RARB: variants seen among roughly 807,000 people sequenced by gnomAD.
RARB encodes retinoic acid receptor beta.
RARB carries 17 observed loss-of-function variants against 51.9 expected under a neutral mutation model. The ratio of observed to expected loss-of-function variants is 0.33; its 90% CI spans 0.22 to 0.49. The LOEUF is 0.49. RARB is among the 20% of genes least tolerant of loss of function. RARB has a pLI of 0.99. For missense variants in RARB, 369 were observed against 550.8 expected (o/e 0.67, Z 3.30); for synonymous variants, 215 against 195.4 (o/e 1.10, Z -0.84).
chr3:25,190,910 C>T (rs1220335606), intron 5 of RARB, among the ~76,000 whole-genome samples: 1 of 152,070 alleles, frequency 6.6e-6, no homozygotes, highest in African/African-American at 2.4e-5. Flanking sequence ...GAAACTTGTG[C>T]TAAATCAAGT....
rs751733615 is a variant in RARB, at chr3:25,580,680, A to C, written c.744A>C (p.Ala248=). Residue 248 remains alanine (A), a synonymous_variant, in exon 5 of 8, where the codon GCA becomes GCC. Transcript: ENST00000330688. Reference sequence around the variant, plus strand: ...CTGGTTTCACTGGCTTGACCATCGCAGACCAAATTACCCTGCTGAAGGCCG... The same window carrying C: ...CTGGTTTCACTGGCTTGACCATCGCCGACCAAATTACCCTGCTGAAGGCCG... ...RLPGFTGLTI[A]DQITLLKAAC... 1 of 1,611,356 alleles carries C rather than the reference A, an allele frequency of 6.2e-7. No homozygotes were observed. The highest frequency in any genetic ancestry group is 8.5e-7 in the Non-Finnish European group (1 of 1,177,774).
intron 2 of RARB, among the ~76,000 whole-genome samples, chr3:24,916,219 A>C (rs1197615654): frequency 6.6e-6 from 1 of 152,164 alleles, no homozygotes; most frequent in African/African-American, 2.4e-5. Flanking sequence ...ATTTTGAGGG[A>C]AATATATATC....
intron 1 of RARB, among the ~76,000 whole-genome samples, chr3:24,848,217 G>A (rs962699243): frequency 3.3e-5 from 5 of 152,080 alleles, no homozygotes; most frequent in African/African-American, 1.2e-4. Context: ...GCGCCACCTT[G>A]CGCAGCTAAT....
intron 1 of RARB, among the ~76,000 whole-genome samples, chr3:25,438,677 T>A (rs1292747311): frequency 6.6e-6 from 1 of 152,200 alleles, no homozygotes; most frequent in Non-Finnish European, 1.5e-5. Context: ...CTAGGCTCCA[T>A]GTGCTGTTAC....
chr3:25,262,975 T>A (rs1199406584), intron 5 of RARB, among the ~76,000 whole-genome samples: 1 of 152,206 alleles, frequency 6.6e-6, no homozygotes, highest in African/African-American at 2.4e-5. Context: ...CATTTTTGAA[T>A]CCCTGCCTTA....
At chr3:24,879,050 CTTTTATG>C (rs1703104447) in intron 2 of RARB, among the ~76,000 whole-genome samples, 1 of 152,114 alleles carries the variant, frequency 6.6e-6, no homozygotes, top group African/African-American at 2.4e-5. Context: ...ACCTACTTTT[CTTTTATG>C]TTTTATATAT....
At chr3:24,886,407 T>C (rs547492411) in intron 2 of RARB, among the ~76,000 whole-genome samples, 1 of 151,778 alleles carries the variant, frequency 6.6e-6, no homozygotes, top group South Asian at 2.1e-4. Context: ...GGAAGTTTCA[T>C]GATGCCCTGA....
chr3:24,875,636 A>C (rs2125352650), intron 2 of RARB, among the ~76,000 whole-genome samples: 1 of 152,254 alleles, frequency 6.6e-6, no homozygotes, highest in South Asian at 2.1e-4. Context: ...TTTTCAGGAA[A>C]GTTACAAAGA....
intron 2 of RARB, among the ~76,000 whole-genome samples, chr3:24,964,583 A>G (rs188137920): frequency 1.3e-5 from 2 of 152,298 alleles, no homozygotes; most frequent in Admixed American, 6.5e-5. Flanking sequence ...TATTGTGAAC[A>G]TGTACAGGCA....
intron 5 of RARB, among the ~76,000 whole-genome samples, chr3:25,177,739 C>G (rs970939033): frequency 6.6e-6 from 1 of 152,186 alleles, no homozygotes; most frequent in African/African-American, 2.4e-5. Flanking sequence ...GCATATTGAA[C>G]TTCTCTAAGC....
intron 3 of RARB, among the ~76,000 whole-genome samples, chr3:25,103,421 C>G (rs75559950): frequency 0.019 from 2,949 of 152,234 alleles, 89 homozygotes; most frequent in African/African-American, 0.062. Context: ...TTATTTGACC[C>G]AAATGTAACT....
intron 2 of RARB, among the ~76,000 whole-genome samples, chr3:25,007,670 C>G (rs896782055): frequency 6.7e-6 from 1 of 148,532 alleles, no homozygotes. Flanking sequence ...AGAATACTTT[C>G]AAAAGTTCTA....
chr3:25,178,494 C>T (rs1245009964), intron 5 of RARB, among the ~76,000 whole-genome samples: 1 of 152,100 alleles, frequency 6.6e-6, no homozygotes, highest in Non-Finnish European at 1.5e-5. Flanking sequence ...GCTTACATAA[C>T]CAGTTAATGT....
intron 5 of RARB, among the ~76,000 whole-genome samples, chr3:25,175,987 C>G (rs1700736237): frequency 6.6e-6 from 1 of 152,190 alleles, no homozygotes; most frequent in Non-Finnish European, 1.5e-5. Flanking sequence ...AATGAAGTTA[C>G]TTTTAGCTAA....
intron 2 of RARB, among the ~76,000 whole-genome samples, chr3:25,464,066 A>G (rs1207581021): frequency 6.6e-6 from 1 of 152,258 alleles, no homozygotes; most frequent in African/African-American, 2.4e-5. Context: ...TTGTTGTGCA[A>G]TATATAAATA....
At chr3:25,168,706 C>T (rs1049266934) in intron 4 of RARB, among the ~76,000 whole-genome samples, 29 of 152,046 alleles carry the variant, frequency 1.9e-4, no homozygotes, top group Admixed American at 9.2e-4. Context: ...GAAAAGAGAA[C>T]GAATGGATGA....
At chr3:25,354,122 T>C (rs1322382419) in intron 5 of RARB, among the ~76,000 whole-genome samples, 1 of 136,418 alleles carries the variant, frequency 7.3e-6, no homozygotes, top group African/African-American at 2.7e-5. Context: ...AAGACTAACA[T>C]AGTTTCCTTT....
chr3:25,165,867 A>G (rs954176087), intron 4 of RARB, among the ~76,000 whole-genome samples: 1 of 152,090 alleles, frequency 6.6e-6, no homozygotes, highest in African/African-American at 2.4e-5. Context: ...ATATATGTGC[A>G]TTTCTGCCTA....
chr3:25,235,395 A>G lies in RARB; in HGVS notation c.178+60820A>G, dbSNP rs115955233. Among the ~76,000 whole-genome samples the G allele has an allele frequency of 2.3e-3, 354 of 152,264 alleles. 1 individual carries two copies. Among genetic ancestry groups the G allele is most frequent in the African/African-American group, 7.8e-3 (322 of 41,548 alleles). On this transcript the variant is annotated intron_variant, in intron 5 of 11. Coordinates refer to the RARB transcript ENST00000383772. ...GAAGTTGGGATTAGAATAATAGTAG[A>G]TTCAGAATTTGGGGGATATTTGAAG... is the stretch of plus-strand genomic sequence containing the variant.
Sources: allele counts gnomAD v4.1 joint callset (sites outside exome capture counted in the v4.1 genomes callset), GRCh38; gene constraint gnomAD v4.1.1; transcripts MANE v1.5; gene names NCBI Gene and HGNC (gene_info 2026-07-23, HGNC 2026-07-21).